DRAM2: variants seen among roughly 807,000 people sequenced by gnomAD.
DRAM2 encodes the protein DNA damage regulated autophagy modulator 2, also known as DNA damage-regulated autophagy modulator protein 2.
A neutral mutation model predicts 33.5 loss-of-function variants in DRAM2; 26 were observed. The observed-to-expected ratio is 0.78, with a 90% confidence interval of 0.57 to 1.08. DRAM2 has a LOEUF of 1.08. Ranked by LOEUF, DRAM2 falls within the 50% of genes least tolerant of loss-of-function variation. The pLI, the probability that DRAM2 is intolerant of heterozygous loss-of-function variation, is 0.00. For missense variants in DRAM2, 311 were observed against 318.1 expected (o/e 0.98, Z 0.17); for synonymous variants, 98 against 109.5 (o/e 0.89, Z 0.66).
intron 6 of DRAM2, among the ~76,000 whole-genome samples, chr1:111,122,858 G>GC (rs1276746173): frequency 1.3e-5 from 2 of 152,064 alleles, no homozygotes; most frequent in African/African-American, 4.8e-5. Context: ...AAATTACACG[G>GC]CCATAAGTAC....
intron 2 of DRAM2, chr1:111,139,222 T>G (rs948530991): frequency 1.2e-4 from 18 of 152,226 alleles, no homozygotes. Context: ...AATACAGAGT[T>G]GCATTTGGTT....
intron 4 of DRAM2, among the ~76,000 whole-genome samples, 156 bp downstream of exon 4, chr1:111,131,268 A>C (rs188640189): frequency 6.6e-6 from 1 of 152,352 alleles, no homozygotes; most frequent in East Asian, 1.9e-4. Context: ...ATCACAAAGA[A>C]AAAGCCAAAT....
chr1:111,127,586 CAGG>C (rs1651263697), intron 4 of DRAM2, among the ~76,000 whole-genome samples: 1 of 152,104 alleles, frequency 6.6e-6, no homozygotes, highest in Admixed American at 6.5e-5. Flanking sequence ...TGACCATCTT[CAGG>C]AGGAGGGAAT....
At chr1:111,139,743 C>G (rs1654146116) in intron 1 of DRAM2, 77 bp from the exon 2 acceptor site, 1 of 152,372 alleles carries the variant, frequency 6.6e-6, no homozygotes, top group Admixed American at 6.5e-5. Flanking sequence ...TAGGGGAAAC[C>G]AAGGAAGAGA....
intron 7 of DRAM2, 49 bp downstream of exon 7, chr1:111,120,467 G>A (rs1215165802): frequency 9.1e-7 from 1 of 1,098,194 alleles, no homozygotes; most frequent in African/African-American, 1.8e-5. Context: ...CTTAAATCTT[G>A]TCATTCAATT....
intron 3 of DRAM2, among the ~76,000 whole-genome samples, chr1:111,137,110 G>A (rs1312651009): frequency 5.9e-5 from 9 of 151,840 alleles, no homozygotes; most frequent in East Asian, 1.9e-4. Flanking sequence ...AAAATTAGCC[G>A]GGCGAGGTGG....
Position 111,126,233 on chromosome 1 carries a change from C to A in DRAM2, c.193G>T (p.Val65Phe), listed in dbSNP as rs1650983712. The change falls in exon 5 of 10, where the codon GTT becomes TTT. Residue 65 changes from valine (V) to phenylalanine (F), a missense_variant. Physicochemically the swap from Val to Phe is conservative, Grantham distance 50. Coordinates refer to ENST00000484310, the MANE Select transcript of DRAM2 (RefSeq NM_001349884.2). ...AATCACTTTCATTACTTACATAAAA[C>A]TGCCGCAATATTTAGCATTGCCCCA... ...LFGAMLNIAA[V>F]LCIATIYVRY... is the part of the protein sequence containing the mutation. 6.2e-7 allele frequency: 1 copy of A among 1,607,922 alleles called. No homozygotes were observed. The highest frequency in any genetic ancestry group is 8.5e-7 in the Non-Finnish European group (1 of 1,175,380).
intron 4 of DRAM2, among the ~76,000 whole-genome samples, chr1:111,127,262 TTG>T (rs1233587015): frequency 6.6e-6 from 1 of 152,146 alleles, no homozygotes; most frequent in Non-Finnish European, 1.5e-5. Flanking sequence ...TGGCCTTGAA[TTG>T]ACATACTACA....
At chr1:111,123,697 G>A (rs931632964) in intron 6 of DRAM2, among the ~76,000 whole-genome samples, 5 of 152,100 alleles carry the variant, frequency 3.3e-5, no homozygotes, top group African/African-American at 1.2e-4. Context: ...GCAGGTGTCT[G>A]GGTCACAGGG....
chr1:111,122,917 A>C (rs997588455), intron 6 of DRAM2, among the ~76,000 whole-genome samples: 3 of 152,158 alleles, frequency 2.0e-5, no homozygotes, highest in South Asian at 2.1e-4. Flanking sequence ...ACAATAAAGA[A>C]AGTATATAGG....
chr1:111,119,593 C>T (rs1174025661), intron 8 of DRAM2: 1 of 298,196 alleles, frequency 3.4e-6, no homozygotes, highest in Non-Finnish European at 6.2e-6. Flanking sequence ...TCTCGGTTGG[C>T]TATATTATAT....
At chr1:111,125,685 T>C (rs1190281653) in intron 5 of DRAM2, 1 of 152,282 alleles carries the variant, frequency 6.6e-6, no homozygotes, top group Non-Finnish European at 1.5e-5. Flanking sequence ...AGAATGCAAA[T>C]ATTTAAAACA....
intron 4 of DRAM2, among the ~76,000 whole-genome samples, chr1:111,130,727 G>T (rs1651904672): frequency 6.7e-6 from 1 of 148,982 alleles, no homozygotes; most frequent in African/African-American, 2.5e-5. Context: ...TGGGTGCAGT[G>T]GCTCACACCT....
chr1:111,133,544 A>G (rs879453804), intron 3 of DRAM2, among the ~76,000 whole-genome samples: 1 of 152,220 alleles, frequency 6.6e-6, no homozygotes, highest in Non-Finnish European at 1.5e-5. Context: ...TGCTCTAGCT[A>G]TCATTATCTC....
chr1:111,139,565 T>G lies in DRAM2; in HGVS notation c.-143A>C, dbSNP rs1654088758. On this transcript the variant is annotated 5_prime_UTR_variant, in exon 2 of 10. Coordinates refer to ENST00000484310, the MANE Select transcript of DRAM2 (RefSeq NM_001349884.2). ...GCTTTTGTGGGAAAGGGTTGAAGAT[T>G]CTTGGTAACTGCTTCAACAAACCAG... 1 of 152,280 alleles carries G rather than the reference T, an allele frequency of 6.6e-6. No homozygotes were observed. The highest frequency in any genetic ancestry group is 1.5e-5 in the Non-Finnish European group (1 of 68,080). The allele number at this position is 152,280 out of a possible 1,614,324, so 9.4% of individuals were successfully genotyped here.
rs755520390 is a variant in DRAM2, at chr1:111,120,702, TAGAG to T, written c.340-13_340-10del. The T allele has an allele frequency of 2.0e-5, 30 of 1,486,538 alleles. No individual in the cohort carries two copies. Among genetic ancestry groups the T allele is most frequent in the African/African-American group, 2.9e-5 (2 of 69,324 alleles). 92.1% of individuals were successfully genotyped at this position (1,486,538 alleles called of 1,614,324 possible). Reference sequence around the variant, plus strand: ...GCAAAAAGGGTTGTTTTCTGAGAGATAGAGAGAAGAAATACGTCAATAAAAGAAA... The same window carrying T: ...GCAAAAAGGGTTGTTTTCTGAGAGATAGAAGAAATACGTCAATAAAAGAAA... On this transcript the variant is annotated splice_polypyrimidine_tract_variant and intron_variant, in intron 6 of 9. Coordinates refer to ENST00000484310, the MANE Select transcript of DRAM2 (RefSeq NM_001349884.2).
intron 8 of DRAM2, 94 bp from the exon 9 acceptor site, chr1:111,118,991 A>AT: frequency 1.2e-6 from 1 of 819,724 alleles, no homozygotes; most frequent in Non-Finnish European, 1.8e-6. Context: ...TTCTTATAAA[A>AT]TAATGGAGCT....
intron 9 of DRAM2, chr1:111,118,506 A>G: frequency 2.0e-6 from 1 of 492,456 alleles, no homozygotes; most frequent in Non-Finnish European, 3.6e-6. Context: ...CAGTAAAACT[A>G]AATGTTGAGA....
At chr1:111,122,808 A>T (rs1456628003) in intron 6 of DRAM2, among the ~76,000 whole-genome samples, 1 of 152,196 alleles carries the variant, frequency 6.6e-6, no homozygotes, top group Non-Finnish European at 1.5e-5. Flanking sequence ...CTAAAGTTGC[A>T]TGAAGAGATG....
Sources: allele counts gnomAD v4.1 joint callset (sites outside exome capture counted in the v4.1 genomes callset), GRCh38; gene constraint gnomAD v4.1.1; transcripts MANE v1.5; gene names NCBI Gene and HGNC (gene_info 2026-07-23, HGNC 2026-07-21).